SMCO4: variants seen among roughly 807,000 people sequenced by gnomAD.
SMCO4 encodes the protein single-pass membrane protein with coiled-coil domains 4.
In SMCO4, 4 loss-of-function variants were observed where a neutral mutation model predicts 3.6. The observed-to-expected ratio is 1.11, with a 90% CI of 0.54 to 2.53. SMCO4 has a LOEUF of 2.53. Among genes scored for constraint, SMCO4 ranks in the 30% most tolerant of loss-of-function variants. The probability of loss-of-function intolerance (pLI) is 0.02; values close to 1 mark genes in which losing one functional copy is unlikely to be tolerated. For synonymous variants in SMCO4, 36 were observed against 35.3 expected, an observed-to-expected ratio of 1.02 and a Z score of -0.07; for missense variants, 70 against 80.8, an observed-to-expected ratio of 0.87 and a Z score of 0.51.
At chr11:93,482,398 A>G (rs1191555174) in intron 2 of SMCO4, among the ~76,000 whole-genome samples, 3 of 152,208 alleles carry the variant, frequency 2.0e-5, no homozygotes, top group Non-Finnish European at 4.4e-5. Flanking sequence ...CATGGAAATA[A>G]TATCAAGGAG....
chr11:93,513,225 G>A (rs1194509946), intron 1 of SMCO4, among the ~76,000 whole-genome samples: 1 of 152,118 alleles, frequency 6.6e-6, no homozygotes, highest in Non-Finnish European at 1.5e-5. Flanking sequence ...TAAGCATAAT[G>A]GTACCTACTA....
chr11:93,534,808 A>G (rs1949203957), intron 1 of SMCO4, among the ~76,000 whole-genome samples: 1 of 152,158 alleles, frequency 6.6e-6, no homozygotes, highest in Non-Finnish European at 1.5e-5. Context: ...AGATCAGCCC[A>G]TTCATGGAAG....
At position 93,478,932 on chromosome 11, in the gene SMCO4, A is replaced by G. The variant is rs565627113; in HGVS notation, c.*78T>C. 3.5e-5 allele frequency: 53 copies of G among 1,508,598 alleles called. 1 individual carries two copies. The East Asian group carries it at 1.1e-3, about 32-fold the overall frequency. The allele number at this position is 1,508,598 out of a possible 1,614,324, so 93.5% of individuals were successfully genotyped here. ...CTCAGCAACATGAACATCTCTGAAT[A>G]TGAAAGCCATTTTTTGTTTGCGTCC... On this transcript the variant is annotated 3_prime_UTR_variant, in exon 3 of 3. Coordinates refer to ENST00000298966, the MANE Select transcript of SMCO4 (RefSeq NM_020179.3).
At chr11:93,548,046 C>G (rs1949325928), upstream of SMCO4, among the ~76,000 whole-genome samples, 1 of 152,206 alleles carries the variant, frequency 6.6e-6, no homozygotes, top group Non-Finnish European at 1.5e-5. Context: ...CTGCCAGGAG[C>G]TGAGGTCAGG....
chr11:93,531,542 C>G (rs1283120601), intron 1 of SMCO4, among the ~76,000 whole-genome samples: 1 of 152,180 alleles, frequency 6.6e-6, no homozygotes, highest in Non-Finnish European at 1.5e-5. Flanking sequence ...TATAATGAAT[C>G]TCTTTATATA....
chr11:93,503,892 A>G (rs1378336664), intron 1 of SMCO4, among the ~76,000 whole-genome samples: 2 of 152,242 alleles, frequency 1.3e-5, no homozygotes, highest in African/African-American at 4.8e-5. Flanking sequence ...ACAGGAAACT[A>G]ATACAAGTCC....
chr11:93,530,115 C>T (rs1949148107), intron 1 of SMCO4, among the ~76,000 whole-genome samples: 1 of 152,242 alleles, frequency 6.6e-6, no homozygotes, highest in Admixed American at 6.5e-5. Flanking sequence ...GAAGAATCCA[C>T]ATAGCTTGCA....
chr11:93,537,247 T>C (rs1444485130), intron 1 of SMCO4, among the ~76,000 whole-genome samples: 1 of 152,216 alleles, frequency 6.6e-6, no homozygotes, highest in East Asian at 1.9e-4. Flanking sequence ...AAAGGCACCA[T>C]GTGCCAGGCT....
intron 1 of SMCO4, among the ~76,000 whole-genome samples, chr11:93,539,032 T>C (rs948771078): frequency 6.6e-6 from 1 of 152,148 alleles, no homozygotes; most frequent in African/African-American, 2.4e-5. Context: ...GTCCTACAGA[T>C]CATTGCAGTG....
intron 1 of SMCO4, among the ~76,000 whole-genome samples, chr11:93,532,276 G>A (rs928752523): frequency 2.0e-5 from 3 of 152,220 alleles, no homozygotes; most frequent in African/African-American, 4.8e-5. Flanking sequence ...CAACTTGACT[G>A]AACTAAAAGA....
chr11:93,507,838 T>C (rs1393955438), intron 1 of SMCO4, among the ~76,000 whole-genome samples: 1 of 152,214 alleles, frequency 6.6e-6, no homozygotes, highest in Non-Finnish European at 1.5e-5. Context: ...ACCAACACAA[T>C]ATACTGCAAC....
chr11:93,521,446 T>C (rs2248655), intron 1 of SMCO4, among the ~76,000 whole-genome samples: 119,964 of 152,196 alleles, frequency 0.79, 47,663 homozygotes, highest in African/African-American at 0.85. Flanking sequence ...CTAACTGTCA[T>C]AATACCTGAG....
At chr11:93,519,250 A>T (rs1949035978) in intron 1 of SMCO4, among the ~76,000 whole-genome samples, 5 of 152,204 alleles carry the variant, frequency 3.3e-5, no homozygotes, top group African/African-American at 1.2e-4. Flanking sequence ...GACTGTAACA[A>T]AGGAGGATGC....
chr11:93,505,592 C>G (rs186856385), intron 1 of SMCO4, among the ~76,000 whole-genome samples: 1 of 152,312 alleles, frequency 6.6e-6, no homozygotes, highest in South Asian at 2.1e-4. Flanking sequence ...AAAGAAGTTT[C>G]ACAAGTTATT....
At chr11:93,526,924 T>G (rs939027845) in intron 1 of SMCO4, among the ~76,000 whole-genome samples, 20 of 152,168 alleles carry the variant, frequency 1.3e-4, no homozygotes, top group Admixed American at 1.3e-3. Flanking sequence ...CAAGGCCACA[T>G]ATCTGAGCTC....
chr11:93,541,255 G>A lies in SMCO4; in HGVS notation c.-154+2021C>T, dbSNP rs190376880. 4.3e-4 allele frequency among the ~76,000 whole-genome samples: 65 copies of A among 152,304 alleles called. No individual in the cohort carries two copies. In the East Asian group the frequency reaches 0.011, roughly 27 times the overall value. On this transcript the variant is annotated intron_variant, in intron 1 of 2. Coordinates refer to ENST00000298966, the MANE Select transcript of SMCO4 (RefSeq NM_020179.3). ...AGTGAGAAGTTGCCCAGGGGGTCTAGGGGACAGGAGCGGGGTGGAGGGGAC... is the reference window on the plus strand; with the variant it reads ...AGTGAGAAGTTGCCCAGGGGGTCTAAGGGACAGGAGCGGGGTGGAGGGGAC...
chr11:93,544,331 T>C (rs1348760249), upstream of SMCO4, among the ~76,000 whole-genome samples: 1 of 152,220 alleles, frequency 6.6e-6, no homozygotes, highest in Non-Finnish European at 1.5e-5. Context: ...CCTTTTCACC[T>C]TAAAACCTTT....
At chr11:93,516,050 T>A (rs1949005133) in intron 1 of SMCO4, among the ~76,000 whole-genome samples, 1 of 152,184 alleles carries the variant, frequency 6.6e-6, no homozygotes, top group African/African-American at 2.4e-5. Context: ...CATCTTAACA[T>A]CCTATTACAT....
chr11:93,504,630 C>G (rs370826687), intron 1 of SMCO4, among the ~76,000 whole-genome samples: 1 of 152,214 alleles, frequency 6.6e-6, no homozygotes, highest in African/African-American at 2.4e-5. Flanking sequence ...GCTATTCTGT[C>G]GCAAAACCCT....
Sources: gnomAD v4.1 joint callset for allele counts (sites outside exome capture counted in the v4.1 genomes callset) on GRCh38, gnomAD v4.1.1 for gene constraint, MANE v1.5 for transcripts, NCBI Gene and HGNC (gene_info 2026-07-23, HGNC 2026-07-21) for gene names.